The following CSMD1 variants were observed in gnomAD, a reference collection of about 807,000 sequenced individuals.
CSMD1 encodes CUB and Sushi multiple domains 1.
CSMD1 carries 213 observed loss-of-function variants against 417.5 expected under a neutral mutation model. That is an observed-to-expected ratio of 0.51 (90% confidence interval 0.46 to 0.57). CSMD1 has a LOEUF of 0.57. Among genes scored for constraint, CSMD1 ranks in the 20% least tolerant of loss-of-function variants. CSMD1 has a pLI of 0.00. For missense variants in CSMD1, 6,923 were observed against 4,529.7 expected, an observed-to-expected ratio of 1.53 and a Z score of -15.17; for synonymous variants, 2,862 against 1,736.8, an observed-to-expected ratio of 1.65 and a Z score of -16.11.
intron 2 of CSMD1, among the ~76,000 whole-genome samples, chr8:4,625,138 A>G (rs1802022281): frequency 6.6e-6 from 1 of 152,116 alleles, no homozygotes; most frequent in Non-Finnish European, 1.5e-5. Context: ...ACATGACCAT[A>G]CCAGGGAAAA....
chr8:4,181,291 T>C (rs891465757), intron 3 of CSMD1, among the ~76,000 whole-genome samples: 1 of 152,206 alleles, frequency 6.6e-6, no homozygotes, highest in Non-Finnish European at 1.5e-5. Flanking sequence ...ATATTTATTG[T>C]AAAACAATAA....
At chr8:4,197,219 A>T (rs1799388174) in intron 3 of CSMD1, among the ~76,000 whole-genome samples, 1 of 152,196 alleles carries the variant, frequency 6.6e-6, no homozygotes, top group South Asian at 2.1e-4. Flanking sequence ...AGCATCATGA[A>T]TTCTGAGTTA....
chr8:3,665,131 G>A (rs1798617317), intron 7 of CSMD1, among the ~76,000 whole-genome samples: 2 of 152,120 alleles, frequency 1.3e-5, no homozygotes, highest in Admixed American at 6.6e-5. Context: ...AGGTGATTAG[G>A]AATTTTGTAT....
chr8:3,245,632 G>A (rs532847901), intron 26 of CSMD1, among the ~76,000 whole-genome samples: 8 of 152,126 alleles, frequency 5.3e-5, no homozygotes, highest in Admixed American at 2.6e-4. Flanking sequence ...TAAATCTTCC[G>A]CAGGCACCTG....
intron 1 of CSMD1, among the ~76,000 whole-genome samples, chr8:4,846,612 C>T (rs1354546785): frequency 6.6e-6 from 1 of 152,196 alleles, no homozygotes; most frequent in East Asian, 1.9e-4. Flanking sequence ...TTGGTGACTA[C>T]TCCAGCAATT....
intron 3 of CSMD1, among the ~76,000 whole-genome samples, chr8:4,383,211 A>T (rs1464490803): frequency 1.3e-5 from 2 of 152,168 alleles, no homozygotes; most frequent in Non-Finnish European, 2.9e-5. Flanking sequence ...GTACTGACCC[A>T]GTATGTTAAT....
At chr8:4,396,350 C>G (rs1463255836) in intron 3 of CSMD1, among the ~76,000 whole-genome samples, 1 of 151,846 alleles carries the variant, frequency 6.6e-6, no homozygotes, top group African/African-American at 2.4e-5. Context: ...ACCTGTACTC[C>G]CAGCTACTCA....
At chr8:4,119,574 T>C (rs143751059) in intron 3 of CSMD1, among the ~76,000 whole-genome samples, 1 of 117,380 alleles carries the variant, frequency 8.5e-6, no homozygotes, top group Non-Finnish European at 1.8e-5. Context: ...GACCAGAGGA[T>C]AATAGTAGTG....
At chr8:3,710,346 G>T (rs555013588) in intron 6 of CSMD1, among the ~76,000 whole-genome samples, 2 of 152,116 alleles carry the variant, frequency 1.3e-5, no homozygotes, top group Non-Finnish European at 2.9e-5. Flanking sequence ...AACTGGCTTT[G>T]TTTCTCTGGA....
At chr8:2,942,630 T>C in intron 68 of CSMD1, 26 bp from the exon 69 acceptor site, 1 of 1,529,900 alleles carries the variant, frequency 6.5e-7, no homozygotes, top group Middle Eastern at 1.7e-4. Flanking sequence ...AATATTAAAT[T>C]TGTTGTTACT....
chr8:3,006,261 G>C (rs370061439), intron 52 of CSMD1, among the ~76,000 whole-genome samples: 1 of 151,546 alleles, frequency 6.6e-6, no homozygotes, highest in African/African-American at 2.4e-5. Context: ...CACTGCTCAA[G>C]GAAATAAAAG....
Position 3,849,876 on chromosome 8 carries a change from C to T in CSMD1, c.819-95834G>A, listed in dbSNP as rs146697647. The stretch of plus-strand genomic sequence containing the variant: ...TGTCGCCCAGGCTGTAGTACAGTGG[C>T]GCAATCTCAGCTTCCTGCAACCTCC... On this transcript the variant is annotated intron_variant, in intron 5 of 69. Coordinates refer to ENST00000635120, the MANE Select transcript of CSMD1 (RefSeq NM_033225.6). 4.6e-5 allele frequency among the ~76,000 whole-genome samples: 7 copies of T among 152,194 alleles called. No homozygotes were observed. In the East Asian group the frequency reaches 5.8e-4, roughly 13 times the overall value.
At chr8:3,007,134 A>G (rs866182822) in intron 52 of CSMD1, among the ~76,000 whole-genome samples, 1,735 of 149,204 alleles carry the variant, frequency 0.012, 18 homozygotes, top group African/African-American at 0.042. Context: ...GACACTTCTC[A>G]AAAGAAGACA....
intron 1 of CSMD1, among the ~76,000 whole-genome samples, chr8:4,934,353 T>C (rs923065866): frequency 6.6e-6 from 1 of 152,242 alleles, no homozygotes; most frequent in African/African-American, 2.4e-5. Context: ...TTCAAAATTA[T>C]TTGTATAGAT....
At chr8:3,389,180 C>T (rs1158306487) in intron 17 of CSMD1, among the ~76,000 whole-genome samples, 1 of 152,092 alleles carries the variant, frequency 6.6e-6, no homozygotes, top group East Asian at 1.9e-4. Context: ...AAACTTTTGT[C>T]ATGGGAGTTT....
chr8:4,130,238 T>A (rs574450651), intron 3 of CSMD1, among the ~76,000 whole-genome samples: 3 of 152,254 alleles, frequency 2.0e-5, no homozygotes, highest in African/African-American at 7.2e-5. Flanking sequence ...GTCTAGTATG[T>A]AAGTTTGGAG....
intron 3 of CSMD1, among the ~76,000 whole-genome samples, chr8:4,140,115 G>T (rs962725527): frequency 6.6e-6 from 1 of 150,956 alleles, no homozygotes; most frequent in Non-Finnish European, 1.5e-5. Context: ...CACTTTTGGA[G>T]GTGAAGGCGG....
intron 1 of CSMD1, among the ~76,000 whole-genome samples, chr8:4,641,260 A>G (rs1229729617): frequency 6.6e-6 from 1 of 152,082 alleles, no homozygotes; most frequent in Non-Finnish European, 1.5e-5. Context: ...ATTTTAGGCA[A>G]CTGGAATCTA....
intron 3 of CSMD1, among the ~76,000 whole-genome samples, chr8:4,253,828 C>G (rs542121266): frequency 6.7e-6 from 1 of 149,768 alleles, no homozygotes; most frequent in South Asian, 2.1e-4. Context: ...CCATTATTAT[C>G]CTATTGCTAA....
Sources: gnomAD v4.1 joint callset for allele counts (sites outside exome capture counted in the v4.1 genomes callset) on GRCh38, gnomAD v4.1.1 for gene constraint, MANE v1.5 for transcripts, NCBI Gene and HGNC (gene_info 2026-07-23, HGNC 2026-07-21) for gene names.